Variants in PRKN observed in about 807,000 individuals in gnomAD.
The protein encoded by PRKN is E3 ubiquitin-protein ligase parkin.
PRKN carries 56 observed loss-of-function variants against 59.5 expected under a neutral mutation model. That is an observed-to-expected ratio of 0.94 (90% CI 0.76 to 1.18). The LOEUF (loss-of-function observed/expected upper bound fraction) is 1.18. Ranked by LOEUF, PRKN falls within the 50% of genes most tolerant of loss-of-function variation. PRKN has a pLI of 0.00. For missense variants in PRKN, 657 were observed against 596.4 expected (o/e 1.10, Z -1.06); for synonymous variants, 250 against 222.1 (o/e 1.13, Z -1.12).
intron 3 of PRKN, among the ~76,000 whole-genome samples, chr6:162,237,014 C>T (rs1049508262): frequency 6.6e-6 from 1 of 152,146 alleles, no homozygotes; most frequent in Non-Finnish European, 1.5e-5. Context: ...TCTTCTATTG[C>T]ACCCATCCTC....
At chr6:162,463,489 A>G (rs1057205554) in intron 1 of PRKN, among the ~76,000 whole-genome samples, 4 of 152,130 alleles carry the variant, frequency 2.6e-5, no homozygotes, top group African/African-American at 9.7e-5. Flanking sequence ...CTTCCTCTGG[A>G]TCAAAGGGCA....
At chr6:161,773,068 G>A (rs1789761436) in intron 7 of PRKN, among the ~76,000 whole-genome samples, 1 of 152,172 alleles carries the variant, frequency 6.6e-6, no homozygotes, top group Non-Finnish European at 1.5e-5. Flanking sequence ...TCAGATAGTA[G>A]TTATATCTAG....
intron 2 of PRKN, among the ~76,000 whole-genome samples, chr6:162,298,827 G>A (rs1048481677): frequency 6.6e-6 from 1 of 152,160 alleles, no homozygotes; most frequent in South Asian, 2.1e-4. Flanking sequence ...GCCAGAGCCA[G>A]GGCTGAGCCA....
At position 161,588,466 on chromosome 6, in the gene PRKN, C is replaced by T. The variant is rs2128140045; in HGVS notation, c.872-19050G>A. Among the ~76,000 whole-genome samples the T allele has an allele frequency of 6.6e-6, 1 of 151,962 alleles. No homozygotes were observed. Among genetic ancestry groups the T allele is most frequent in the Non-Finnish European group, 1.5e-5 (1 of 67,972 alleles). ...ATTCTGTGCCTCATTCAGTAAAAGG[C>T]TATGAAGCAATTTAAGGATATTTGC... On this transcript the variant is annotated intron_variant, in intron 7 of 11. Transcript: ENST00000366898. This position sits in a 1 kb window ranked among gnomAD's most constrained non-coding sequence, Gnocchi z 5.0.
chr6:162,549,377 G>A (rs944230886), intron 1 of PRKN, among the ~76,000 whole-genome samples: 1 of 152,140 alleles, frequency 6.6e-6, no homozygotes, highest in African/African-American at 2.4e-5. Flanking sequence ...TTGAGAAACA[G>A]AAAAATGCTT....
chr6:162,287,676 T>G (rs1042838125), intron 2 of PRKN, among the ~76,000 whole-genome samples: 2 of 152,208 alleles, frequency 1.3e-5, no homozygotes, highest in Non-Finnish European at 2.9e-5. Context: ...TTGTGATTCA[T>G]ATTATTTACC....
intron 1 of PRKN, among the ~76,000 whole-genome samples, chr6:162,499,744 T>G (rs1329993050): frequency 6.6e-6 from 1 of 152,220 alleles, no homozygotes; most frequent in Non-Finnish European, 1.5e-5. Flanking sequence ...CTAATGTGTC[T>G]CTAGCCGAGA....
At position 162,383,403 on chromosome 6, in the gene PRKN, A is replaced by G. The variant is rs551771179; in HGVS notation, c.171+59907T>C. On this transcript the variant is annotated intron_variant, in intron 2 of 11. Transcript: ENST00000366898. Reference sequence around the variant, plus strand: ...ACATCTCCATCAGAGCTCTTGGGTAACCAGCTGCATCATGAATGAGTGGTA... The same window carrying G: ...ACATCTCCATCAGAGCTCTTGGGTAGCCAGCTGCATCATGAATGAGTGGTA... Among the ~76,000 whole-genome samples the G allele has an allele frequency of 9.8e-5, 15 of 152,300 alleles. No individual in the cohort carries two copies. In the South Asian group the frequency reaches 2.9e-3, roughly 29 times the overall value.
intron 5 of PRKN, among the ~76,000 whole-genome samples, chr6:162,018,296 G>T (rs943069045): frequency 6.6e-6 from 1 of 152,134 alleles, no homozygotes. Context: ...AAAGTGCTGG[G>T]ATTACAGGCG....
At chr6:162,353,357 TA>T (rs528106583) in intron 2 of PRKN, among the ~76,000 whole-genome samples, 1,868 of 142,828 alleles carry the variant, frequency 0.013, 17 homozygotes, top group African/African-American at 0.035. Flanking sequence ...CTGGAACTGC[TA>T]AAAAAAAAAA....
intron 8 of PRKN, among the ~76,000 whole-genome samples, chr6:161,567,840 T>C (rs1316155759): frequency 6.6e-6 from 1 of 152,204 alleles, no homozygotes; most frequent in Non-Finnish European, 1.5e-5. Context: ...GACTCCATTA[T>C]CTGAGCAGAA....
intron 5 of PRKN, among the ~76,000 whole-genome samples, chr6:162,051,395 C>T (rs992165422): frequency 3.9e-5 from 6 of 152,174 alleles, no homozygotes; most frequent in African/African-American, 9.7e-5. Flanking sequence ...CACAGGCTAA[C>T]GGGCCTCATG....
At chr6:162,005,624 G>A (rs1782220289) in intron 5 of PRKN, among the ~76,000 whole-genome samples, 1 of 151,926 alleles carries the variant, frequency 6.6e-6, no homozygotes, top group South Asian at 2.1e-4. Context: ...CGAATCTATT[G>A]CCCTGCCGAG....
intron 9 of PRKN, among the ~76,000 whole-genome samples, chr6:161,535,909 A>G (rs1779395950): frequency 6.6e-6 from 1 of 152,154 alleles, no homozygotes; most frequent in Non-Finnish European, 1.5e-5. Flanking sequence ...CGTCAGAATA[A>G]TATAATGGAG....
At chr6:162,143,948 A>G (rs1781895640) in intron 4 of PRKN, among the ~76,000 whole-genome samples, 1 of 152,248 alleles carries the variant, frequency 6.6e-6, no homozygotes, top group Admixed American at 6.5e-5. Flanking sequence ...GGTCAAAAAT[A>G]TATAATTTCA....
In PRKN at chr6:161,480,366, C is replaced by T. The variant is rs555508687; in HGVS notation, c.1083+68488G>A. 2.0e-5 allele frequency among the ~76,000 whole-genome samples: 3 copies of T among 152,180 alleles called. No homozygotes were observed. The highest frequency in any genetic ancestry group is 2.9e-5 in the Non-Finnish European group (2 of 68,004). On this transcript the variant is annotated intron_variant, in intron 9 of 11. Transcript: ENST00000366898. This position sits in a 1 kb window ranked among gnomAD's most constrained non-coding sequence, Gnocchi z 4.1. ...TGGGGCCCTGTGTGACTGTACAGGT[C>T]GCACACTCCAAGCTGGCCCTATTTT...
At chr6:162,594,165 A>C (rs906107724) in intron 1 of PRKN, among the ~76,000 whole-genome samples, 2 of 152,122 alleles carry the variant, frequency 1.3e-5, no homozygotes, top group Non-Finnish European at 2.9e-5. Flanking sequence ...AACAAAAAAA[A>C]AACTACCCCT....
intron 1 of PRKN, among the ~76,000 whole-genome samples, chr6:162,469,794 T>G (rs1169007667): frequency 6.6e-6 from 1 of 152,026 alleles, no homozygotes; most frequent in African/African-American, 2.4e-5. Flanking sequence ...ACTGCTTGGA[T>G]GATGGGTTCA....
At chr6:161,521,477 G>C (rs748514807) in intron 9 of PRKN, among the ~76,000 whole-genome samples, 19 of 152,252 alleles carry the variant, frequency 1.2e-4, no homozygotes, top group Non-Finnish European at 2.4e-4. Flanking sequence ...GGGGAAGCTT[G>C]CTTTCTTCTT....
Sources: gnomAD v4.1 joint callset for allele counts (sites outside exome capture counted in the v4.1 genomes callset) on GRCh38, gnomAD v4.1.1 for gene constraint, Gnocchi (gnomAD v3.1) non-coding constraint, MANE v1.5 for transcripts, NCBI Gene and HGNC (gene_info 2026-07-23, HGNC 2026-07-21) for gene names.